RAB3C: variants seen among roughly 807,000 people sequenced by gnomAD.
RAB3C encodes RAB3C, member RAS oncogene family, also known as ras-related protein Rab-3C.
In RAB3C, 17 loss-of-function variants were observed where a neutral mutation model predicts 26.4. The ratio of observed to expected loss-of-function variants is 0.64; its 90% CI spans 0.44 to 0.97. The LOEUF is 0.97. Ranked by LOEUF, RAB3C falls within the 50% of genes least tolerant of loss-of-function variation. The pLI, the probability that RAB3C is intolerant of heterozygous loss-of-function variation, is 0.00. For missense variants in RAB3C, 242 were observed against 281.9 expected (o/e 0.86, Z 1.01); for synonymous variants, 91 against 95.9 (o/e 0.95, Z 0.30).
intron 1 of RAB3C, among the ~76,000 whole-genome samples, chr5:58,596,899 T>C (rs1247527387): frequency 1.1e-5 from 1 of 94,540 alleles, no homozygotes; most frequent in East Asian, 3.3e-4. Context: ...TATATAATAT[T>C]ATATTTTAAT....
rs1451232773 is a variant in RAB3C at position 58,851,389 on chromosome 5, T to C, written c.*38T>C. The C allele has an allele frequency of 1.3e-6, 2 of 1,512,768 alleles. No homozygotes were observed. Among genetic ancestry groups the C allele is most frequent in the Non-Finnish European group, 8.9e-7 (1 of 1,128,014 alleles). 93.7% of individuals were successfully genotyped at this position (1,512,768 alleles called of 1,614,324 possible). On this transcript the variant is annotated 3_prime_UTR_variant, in exon 5 of 5. Coordinates refer to ENST00000282878, the MANE Select transcript of RAB3C (RefSeq NM_138453.4). ...CACAGGCAGCTCCAGGGGGCTCTGG[T>C]TGCCAACAAACAGCATTTGTAAATG...
At chr5:58,699,323 C>T (rs1561293583) in intron 2 of RAB3C, among the ~76,000 whole-genome samples, 1 of 152,168 alleles carries the variant, frequency 6.6e-6, no homozygotes, top group Non-Finnish European at 1.5e-5. Flanking sequence ...GCTGCCTGAT[C>T]CTTCCTCTGG....
At chr5:58,655,869 C>A (rs1363575353) in intron 2 of RAB3C, among the ~76,000 whole-genome samples, 1 of 146,700 alleles carries the variant, frequency 6.8e-6, no homozygotes, top group Non-Finnish European at 1.5e-5. Flanking sequence ...AGTCTCGGCT[C>A]ACTGCAAGCT....
intron 2 of RAB3C, among the ~76,000 whole-genome samples, chr5:58,675,509 A>G (rs1234025903): frequency 6.6e-6 from 1 of 151,908 alleles, no homozygotes; most frequent in Admixed American, 6.6e-5. Context: ...ATTTCCACAC[A>G]TGGAAGGCAT....
Position 58,849,140 on chromosome 5 carries a change from A to G in RAB3C, c.497-2024A>G, listed in dbSNP as rs1281023979. Among the ~76,000 whole-genome samples, 3 of 152,336 alleles carry G rather than the reference A, an allele frequency of 2.0e-5. No homozygotes were observed. The East Asian group carries it at 5.8e-4, about 29-fold the overall frequency. ...GGATTATCATCTTTTCATAATGGCT[A>G]AATCTTTTATGATACCGTTCAAGCT... On this transcript the variant is annotated intron_variant, in intron 4 of 4. Transcript: ENST00000282878.
chr5:58,670,269 T>G (rs1378518463), intron 2 of RAB3C, among the ~76,000 whole-genome samples: 1 of 152,168 alleles, frequency 6.6e-6, no homozygotes, highest in African/African-American at 2.4e-5. Flanking sequence ...TCTTCTATTC[T>G]ATGCCTACAT....
intron 2 of RAB3C, among the ~76,000 whole-genome samples, chr5:58,706,177 G>T (rs1031849356): frequency 2.0e-5 from 3 of 152,128 alleles, no homozygotes; most frequent in Admixed American, 2.0e-4. Context: ...AGTTTATGGT[G>T]GCCATGTTGA....
At chr5:58,667,593 C>T (rs985768399) in intron 2 of RAB3C, among the ~76,000 whole-genome samples, 1 of 152,076 alleles carries the variant, frequency 6.6e-6, no homozygotes, top group African/African-American at 2.4e-5. Flanking sequence ...TGGAGCCATA[C>T]AAAATTCCTA....
intron 2 of RAB3C, among the ~76,000 whole-genome samples, chr5:58,627,419 T>TG (rs1351086546): frequency 1.3e-5 from 1 of 78,958 alleles, no homozygotes; most frequent in Non-Finnish European, 2.4e-5. Context: ...GAGCCGAGAT[T>TG]GCGCCACTGC....
chr5:58,813,540 C>T (rs1020958099), intron 3 of RAB3C, among the ~76,000 whole-genome samples: 12 of 147,402 alleles, frequency 8.1e-5, no homozygotes, highest in African/African-American at 3.0e-4. Context: ...CAAGCACATG[C>T]CTTCCTTAGC....
intron 2 of RAB3C, among the ~76,000 whole-genome samples, chr5:58,660,074 G>A (rs1747868836): frequency 7.1e-6 from 1 of 140,682 alleles, no homozygotes; most frequent in Admixed American, 6.8e-5. Context: ...CAAAGTGCTG[G>A]GATTACAGGT....
At chr5:58,670,730 A>G (rs1455625322) in intron 2 of RAB3C, among the ~76,000 whole-genome samples, 1 of 152,216 alleles carries the variant, frequency 6.6e-6, no homozygotes, top group Non-Finnish European at 1.5e-5. Flanking sequence ...CAGAGGCCTT[A>G]TGTCTGCTTT....
intron 3 of RAB3C, among the ~76,000 whole-genome samples, chr5:58,772,239 G>A (rs1039543417): frequency 1.3e-5 from 2 of 152,160 alleles, no homozygotes; most frequent in Non-Finnish European, 2.9e-5. Context: ...TAGGGAACTA[G>A]TGAAGGTTTT....
intron 3 of RAB3C, among the ~76,000 whole-genome samples, chr5:58,739,214 C>T (rs1741221534): frequency 6.6e-6 from 1 of 152,220 alleles, no homozygotes; most frequent in Admixed American, 6.5e-5. Context: ...TTCAGTACCT[C>T]ATGATACATG....
At chr5:58,663,810 C>G (rs1747951127) in intron 2 of RAB3C, among the ~76,000 whole-genome samples, 1 of 152,124 alleles carries the variant, frequency 6.6e-6, no homozygotes. Flanking sequence ...ATGATAAGAA[C>G]TGGCAAACTT....
intron 3 of RAB3C, among the ~76,000 whole-genome samples, chr5:58,822,227 G>A (rs1743358873): frequency 6.6e-6 from 1 of 152,202 alleles, no homozygotes. Flanking sequence ...ATGGAAATAT[G>A]TTTTAAAGCA....
At chr5:58,662,544 T>C (rs1338650499) in intron 2 of RAB3C, among the ~76,000 whole-genome samples, 1 of 150,254 alleles carries the variant, frequency 6.7e-6, no homozygotes, top group African/African-American at 2.5e-5. Context: ...GGGGAAGGTA[T>C]TAATAAGACC....
intron 3 of RAB3C, among the ~76,000 whole-genome samples, chr5:58,756,334 TAAC>T (rs1561311189): frequency 1.0e-4 from 14 of 139,194 alleles, no homozygotes; most frequent in South Asian, 2.2e-4. Context: ...TATATATATA[TAAC>T]ATATATATGT....
chr5:58,665,419 A>G (rs1032991916), intron 2 of RAB3C, among the ~76,000 whole-genome samples: 6 of 152,142 alleles, frequency 3.9e-5, no homozygotes, highest in African/African-American at 1.4e-4. Context: ...CAGTTGCAAT[A>G]TAGTTTCTAT....
Sources: gnomAD v4.1 joint callset for allele counts (sites outside exome capture counted in the v4.1 genomes callset) on GRCh38, gnomAD v4.1.1 for gene constraint, MANE v1.5 for transcripts, NCBI Gene and HGNC (gene_info 2026-07-23, HGNC 2026-07-21) for gene names.